Variants in ITIH2 observed in about 807,000 individuals in gnomAD.
ITIH2 encodes inter-alpha-trypsin inhibitor heavy chain 2.
Under a neutral mutation model 104.4 loss-of-function variants are expected in ITIH2, and 103 were observed. That is an observed-to-expected ratio of 0.99 (90% CI 0.84 to 1.16). The LOEUF is 1.16. Ranked by LOEUF, ITIH2 falls within the 50% of genes most tolerant of loss-of-function variation. ITIH2 has a pLI of 0.00. For missense variants in ITIH2, 1,108 were observed against 1,162.4 expected, an observed-to-expected ratio of 0.95 and a Z score of 0.68; for synonymous variants, 436 against 435.4, an observed-to-expected ratio of 1.00 and a Z score of -0.02.
chr10:7,731,737 TAAATA>T (rs982267799), intron 12 of ITIH2, 69 bp from the exon 13 acceptor site: 1 of 1,097,148 alleles, frequency 9.1e-7, no homozygotes, highest in Non-Finnish European at 1.3e-6. Context: ...AATAAATAAA[TAAATA>T]AAATAAAATG....
At chr10:7,744,318 A>G (rs1463649080) in intron 18 of ITIH2, 38 bp downstream of exon 18, 6 of 1,481,046 alleles carry the variant, frequency 4.1e-6, no homozygotes, top group Non-Finnish European at 5.6e-6. Flanking sequence ...CCTGTCCGTG[A>G]CACACGACTG....
Position 7,731,964 on chromosome 10 carries a change from G to C in ITIH2, c.1615G>C (p.Asp539His), listed in dbSNP as rs1426924266. ...VAGKFDPAKLDQIESVITATS... is the reference protein window; with the variant it reads ...VAGKFDPAKLHQIESVITATS... ...AGGAAAATTTGACCCTGCTAAATTGGATCAAATAGAGAGCGTTATCACGGC... is the reference window on the plus strand; with the variant it reads ...AGGAAAATTTGACCCTGCTAAATTGCATCAAATAGAGAGCGTTATCACGGC... Residue 539 changes from aspartate (D) to histidine (H), a missense_variant, in exon 13 of 21, where the codon GAT becomes CAT. Physicochemically the swap from Asp to His is moderately conservative, Grantham distance 81. Transcript: ENST00000358415. 1.2e-5 allele frequency: 20 copies of C among 1,613,804 alleles called. No individual in the cohort carries two copies. Among genetic ancestry groups the C allele is most frequent in the Non-Finnish European group, 1.7e-5 (20 of 1,179,912 alleles).
At chr10:7,722,565 C>T (rs1834914546) in intron 8 of ITIH2, among the ~76,000 whole-genome samples, 1 of 152,148 alleles carries the variant, frequency 6.6e-6, no homozygotes. Context: ...ATTCTACGGC[C>T]CCATCTTGCT....
intron 9 of ITIH2, 71 bp downstream of exon 9, chr10:7,723,638 T>A (rs992080694): frequency 6.2e-6 from 6 of 962,056 alleles, no homozygotes; most frequent in Non-Finnish European, 1.0e-5. Flanking sequence ...AAAAATGCAA[T>A]CATTCTATCC....
intron 5 of ITIH2, among the ~76,000 whole-genome samples, chr10:7,716,829 T>C (rs1280718881): frequency 1.3e-5 from 2 of 151,540 alleles, no homozygotes; most frequent in Admixed American, 6.6e-5. Flanking sequence ...AGAACTCCTA[T>C]AGTGAGCCTC....
At chr10:7,705,527 G>A (rs1054665395) in intron 2 of ITIH2, among the ~76,000 whole-genome samples, 3 of 151,820 alleles carry the variant, frequency 2.0e-5, no homozygotes, top group African/African-American at 7.3e-5. Context: ...GTAACATAGT[G>A]AGGCTCTACC....
rs201804703 is a variant in ITIH2 at position 7,709,126 on chromosome 10, G to A, written c.297G>A (p.Pro99=). The A allele has an allele frequency of 8.5e-5, 137 of 1,613,836 alleles. No homozygotes were observed. The highest frequency in any genetic ancestry group is 1.7e-4 in the Admixed American group (10 of 59,986). ...AGAGCAAAGTGGTGAACAATTCCCC[G>A]CAGCCTCAGAATGTCGTGTTTGATG... ...MIQSKVVNNS[P]QPQNVVFDVQ... The change falls in exon 4 of 21, where the codon CCG becomes CCA. Residue 99 remains proline (P), a synonymous_variant. Coordinates refer to ENST00000358415, the MANE Select transcript of ITIH2 (RefSeq NM_002216.3).
chr10:7,716,688 A>ACCCCAGC (rs1251695321), intron 5 of ITIH2, among the ~76,000 whole-genome samples: 1 of 149,186 alleles, frequency 6.7e-6, no homozygotes, highest in Non-Finnish European at 1.5e-5. Context: ...GTGAGCTGAG[A>ACCCCAGC]TCACACCACT....
chr10:7,738,616 C>T lies in ITIH2; in HGVS notation c.1958-5C>T, dbSNP rs757900214. On this transcript the variant is annotated splice_region_variant and splice_polypyrimidine_tract_variant and intron_variant, in intron 15 of 20. Transcript: ENST00000358415. ...AAACTAACAGATGCAGGTTTGTCTA[C>T]GCAGGGGCCCTGTATTACGGCAGCA... The T allele has an allele frequency of 2.5e-5, 41 of 1,612,988 alleles. No individual in the cohort carries two copies. The highest frequency in any genetic ancestry group is 3.3e-5 in the South Asian group (3 of 91,082).
intron 12 of ITIH2, among the ~76,000 whole-genome samples, chr10:7,730,697 C>T (rs10795567): frequency 0.14 from 21,582 of 151,960 alleles, 2,913 homozygotes; most frequent in African/African-American, 0.36. Flanking sequence ...ATTGAAAAGA[C>T]ACAAACTACT....
At chr10:7,743,284 G>A (rs1200641558) in intron 17 of ITIH2, 25 bp downstream of exon 17, 2 of 1,200,204 alleles carry the variant, frequency 1.7e-6, no homozygotes, top group African/African-American at 1.5e-5. Context: ...AATTATATTT[G>A]CACCAATTAG....
At position 7,738,746 on chromosome 10, in the gene ITIH2, CAT is replaced by C. The variant is rs772685543; in HGVS notation, c.2084_2085del (p.His695ArgfsTer5). On this transcript the variant is annotated frameshift_variant, in exon 16 of 21. Transcript: ENST00000358415. LOFTEE classifies it high-confidence loss of function. Reference protein sequence around the residue: ...SQVLESTPPPHVMRVENDPHF... With the variant: ...SQVLESTPPPXVMRVENDPHF... ...GGTGCTAGAGTCCACGCCACCCCCA[CAT>C]GTGATGAGAGGTAACGCTTCTACAC... is the stretch of plus-strand genomic sequence containing the variant. 6.9e-5 allele frequency: 111 copies of C among 1,610,630 alleles called. No homozygotes were observed. Among genetic ancestry groups the C allele is most frequent in the Middle Eastern group, 1.7e-4 (1 of 6,046 alleles).
intron 4 of ITIH2, among the ~76,000 whole-genome samples, chr10:7,710,141 C>A (rs1344760662): frequency 7.2e-5 from 11 of 152,194 alleles, no homozygotes. Flanking sequence ...CGTGAGCCAC[C>A]GTGCCTGGCC....
intron 20 of ITIH2, 122 bp from the exon 21 acceptor site, chr10:7,749,065 C>A (rs11817017): frequency 3.3e-6 from 3 of 921,230 alleles, no homozygotes; most frequent in Admixed American, 2.2e-5. Flanking sequence ...TGGGGAGCAG[C>A]GATAGGTGGG....
chr10:7,707,243 C>A lies in ITIH2; in HGVS notation c.192+10C>A. 1 of 1,587,762 alleles carries A rather than the reference C, an allele frequency of 6.3e-7. No homozygotes were observed. Among genetic ancestry groups the A allele is most frequent in the Non-Finnish European group, 8.6e-7 (1 of 1,158,630 alleles). ...ATCGGAAGAAATGATGGTAAGTTGA[C>A]TTGATGTTGTTACAGATTGAATGAT... On this transcript the variant is annotated intron_variant, in intron 3 of 20. Coordinates refer to ENST00000358415, the MANE Select transcript of ITIH2 (RefSeq NM_002216.3).
chr10:7,708,160 A>G lies in ITIH2; in HGVS notation c.193-862A>G, dbSNP rs577887160. Reference sequence around the variant, plus strand: ...TAGTCGAAAGGTTTAATGTTGGACTACAAAGTTTGGGGAATGAGACCTGGT... The same window carrying G: ...TAGTCGAAAGGTTTAATGTTGGACTGCAAAGTTTGGGGAATGAGACCTGGT... On this transcript the variant is annotated intron_variant, in intron 3 of 20. Transcript: ENST00000358415. 2.8e-4 allele frequency among the ~76,000 whole-genome samples: 42 copies of G among 152,364 alleles called. 1 individual carries two copies. The highest frequency in any genetic ancestry group is 5.9e-4 in the Admixed American group (9 of 15,308).
At position 7,730,013 on chromosome 10, in the gene ITIH2, C is replaced by T. The variant is rs1188953489; in HGVS notation, c.1341C>T (p.Ser447=). ...AGGAGAACATCCAAGACAATATCTC[C>T]TTGTTCAGTTTGGGCATGGGATTTG... is the stretch of plus-strand genomic sequence containing the variant. ...NVKENIQDNI[S]LFSLGMGFDV... The change falls in exon 12 of 21, where the codon TCC becomes TCT. Residue 447 remains serine, a synonymous_variant. Coordinates refer to ENST00000358415, the MANE Select transcript of ITIH2 (RefSeq NM_002216.3). The T allele has an allele frequency of 5.0e-6, 8 of 1,613,106 alleles. No individual in the cohort carries two copies. Among genetic ancestry groups the T allele is most frequent in the Non-Finnish European group, 6.8e-6 (8 of 1,179,508 alleles).
rs756246188 is a variant in ITIH2 at position 7,709,169 on chromosome 10, G to A, written c.340G>A (p.Ala114Thr). ...VVFDVQIPKG[A>T]FISNFSMTVD... ...GTTTGATGTTCAGATCCCCAAAGGA[G>A]CATTCATTTCCAACTTCTCCATGTG... The change falls in exon 4 of 21, where the codon GCA (alanine) becomes ACA (threonine). Residue 114 changes from alanine to threonine, a missense_variant. By Grantham distance (58) the Ala-to-Thr change is moderately conservative. Transcript: ENST00000358415. 7.4e-6 allele frequency: 12 copies of A among 1,614,000 alleles called. No homozygotes were observed. Among genetic ancestry groups the A allele is most frequent in the Non-Finnish European group, 1.0e-5 (12 of 1,180,020 alleles).
At chr10:7,742,184 A>C (rs974453803) in intron 16 of ITIH2, among the ~76,000 whole-genome samples, 1 of 150,618 alleles carries the variant, frequency 6.6e-6, no homozygotes, top group Non-Finnish European at 1.5e-5. Context: ...GTGATTGCAC[A>C]TAGATTTTTT....
Sources: allele counts gnomAD v4.1 joint callset (sites outside exome capture counted in the v4.1 genomes callset), GRCh38; gene constraint gnomAD v4.1.1; transcripts MANE v1.5; gene names NCBI Gene and HGNC (gene_info 2026-07-23, HGNC 2026-07-21).